Variants in NIPSNAP1 observed in about 807,000 individuals in gnomAD.
NIPSNAP1 encodes the protein nipsnap homolog 1.
NIPSNAP1 carries 25 observed loss-of-function variants against 49.2 expected under a neutral mutation model. The ratio of observed to expected loss-of-function variants is 0.51; its 90% CI spans 0.37 to 0.71. The LOEUF (loss-of-function observed/expected upper bound fraction) is 0.71. Ranked by LOEUF, NIPSNAP1 falls within the 30% of genes least tolerant of loss-of-function variation. The probability of loss-of-function intolerance (pLI) is 0.00; values close to 1 mark genes in which losing one functional copy is unlikely to be tolerated. For missense variants in NIPSNAP1, 294 were observed against 361.0 expected (o/e 0.81, Z 1.50); for synonymous variants, 143 against 140.7 (o/e 1.02, Z -0.12).
At position 29,554,985 on chromosome 22, in the gene NIPSNAP1, G is replaced by C. The variant is rs934938169; in HGVS notation, c.*950C>G. ...CACCAGGTGGCCCTGCAGAATGAGG[G>C]TTGGGCTGATAGAATGTCAATTAGG... On this transcript the variant is annotated 3_prime_UTR_variant, in exon 10 of 10. Coordinates refer to ENST00000216121, the MANE Select transcript of NIPSNAP1 (RefSeq NM_003634.4). 3.9e-5 allele frequency: 6 copies of C among 152,742 alleles called. No homozygotes were observed. Among genetic ancestry groups the C allele is most frequent in the Middle Eastern group, 3.4e-3 (1 of 296 alleles). The allele number at this position is 152,742 out of a possible 1,614,324, so 9.5% of individuals were successfully genotyped here.
chr22:29,575,314 G>A (rs1326703367), intron 1 of NIPSNAP1, among the ~76,000 whole-genome samples: 2 of 152,176 alleles, frequency 1.3e-5, no homozygotes, highest in Non-Finnish European at 2.9e-5. Context: ...CAGGAGCTCT[G>A]ATGGGCTCCC....
At chr22:29,572,927 C>CTA (rs1488158195) in intron 1 of NIPSNAP1, among the ~76,000 whole-genome samples, 1 of 151,770 alleles carries the variant, frequency 6.6e-6, no homozygotes, top group Non-Finnish European at 1.5e-5. Flanking sequence ...CTACAATGAA[C>CTA]TATGATCAGG....
Position 29,555,576 on chromosome 22 carries a change from C to G in NIPSNAP1, c.*359G>C, listed in dbSNP as rs547357686. 1.1e-4 allele frequency: 34 copies of G among 309,716 alleles called. 1 individual carries two copies. In the East Asian group the frequency reaches 2.4e-3, roughly 22 times the overall value. 19.2% of individuals were successfully genotyped at this position (309,716 alleles called of 1,614,324 possible). A position where few individuals can be genotyped will look rare whatever the true frequency, so the allele number is the denominator to read the frequency against. On this transcript the variant is annotated 3_prime_UTR_variant, in exon 10 of 10. Transcript: ENST00000216121. ...CACCTCTAGCCACTGGACATACTAC[C>G]TTTTGTGCAACTAAGCTAAACAGAG... is the stretch of plus-strand genomic sequence containing the variant.
intron 1 of NIPSNAP1, among the ~76,000 whole-genome samples, chr22:29,579,116 G>A (rs433194): frequency 0.79 from 117,965 of 149,986 alleles, 47,199 homozygotes; most frequent in African/African-American, 0.87. Context: ...TCTGTCACCC[G>A]GGTTGGAGTG....
intron 4 of NIPSNAP1, among the ~76,000 whole-genome samples, chr22:29,567,100 T>C (rs908724231): frequency 1.1e-4 from 16 of 152,112 alleles, no homozygotes; most frequent in African/African-American, 3.9e-4. Context: ...CCAGCCTGGG[T>C]GACAGTACAG....
At chr22:29,560,061 C>G (rs934241944) in intron 8 of NIPSNAP1, among the ~76,000 whole-genome samples, 3 of 152,184 alleles carry the variant, frequency 2.0e-5, no homozygotes, top group African/African-American at 7.2e-5. Context: ...GGCCTTTCCC[C>G]ACCACAGGGC....
At chr22:29,565,551 C>CA (rs748061994) in intron 4 of NIPSNAP1, among the ~76,000 whole-genome samples, 2 of 152,040 alleles carry the variant, frequency 1.3e-5, no homozygotes, top group East Asian at 1.9e-4. Context: ...TCCCATCCCT[C>CA]AGAGTTCATT....
intron 4 of NIPSNAP1, among the ~76,000 whole-genome samples, chr22:29,562,240 G>A (rs1164415524): frequency 6.6e-6 from 1 of 152,162 alleles, no homozygotes; most frequent in Non-Finnish European, 1.5e-5. Context: ...GCCTTAGAGG[G>A]GCAGCTGAAC....
At chr22:29,558,824 C>G in intron 9 of NIPSNAP1, 46 bp downstream of exon 9, 3 of 1,391,422 alleles carry the variant, frequency 2.2e-6, no homozygotes, top group Non-Finnish European at 3.1e-6. Context: ...AGGATTCCAT[C>G]CTCAGACAGG....
chr22:29,580,348 G>T, intron 1 of NIPSNAP1: 1 of 879,496 alleles, frequency 1.1e-6, no homozygotes, highest in Non-Finnish European at 1.4e-6. Flanking sequence ...CCAAACAAAA[G>T]CCCAGGCTGA....
chr22:29,579,457 C>A (rs917407678), intron 1 of NIPSNAP1, among the ~76,000 whole-genome samples: 2 of 151,806 alleles, frequency 1.3e-5, no homozygotes, highest in Non-Finnish European at 2.9e-5. Context: ...CCACCGCGCC[C>A]AGCTAATTTT....
Position 29,555,714 on chromosome 22 carries a change from C to T in NIPSNAP1, c.*221G>A. On this transcript the variant is annotated 3_prime_UTR_variant, in exon 10 of 10. Transcript: ENST00000216121. Reference sequence around the variant, plus strand: ...CATTCAGGGAAATCAGAAACTACTTCTAGCAGGGGGAGGGAGGCAGGCAGG... The same window carrying T: ...CATTCAGGGAAATCAGAAACTACTTTTAGCAGGGGGAGGGAGGCAGGCAGG... The T allele has an allele frequency of 1.7e-6, 1 of 577,594 alleles. No individual in the cohort carries two copies. The highest frequency in any genetic ancestry group is 2.0e-5 in the South Asian group (1 of 49,496). 35.8% of individuals were successfully genotyped at this position (577,594 alleles called of 1,614,324 possible).
intron 1 of NIPSNAP1, among the ~76,000 whole-genome samples, chr22:29,571,822 C>A (rs2064410235): frequency 6.6e-6 from 1 of 151,852 alleles, no homozygotes; most frequent in African/African-American, 2.4e-5. Flanking sequence ...GTTGCTCAGG[C>A]TGGAGTGCAG....
rs907599609 is a variant in NIPSNAP1 at position 29,556,003 on chromosome 22, C to T, written c.791-4G>A. The T allele has an allele frequency of 1.8e-5, 28 of 1,546,936 alleles. No homozygotes were observed. The highest frequency in any genetic ancestry group is 6.0e-5 in the South Asian group (5 of 83,994). ...TCCATGTGTCGCACCAGGGGGACTG[C>T]GGAGAGAGAAGGCAGAGGTCACACA... is the stretch of plus-strand genomic sequence containing the variant. On this transcript the variant is annotated splice_region_variant and splice_polypyrimidine_tract_variant and intron_variant, in intron 9 of 9. Transcript: ENST00000216121.
chr22:29,575,421 T>C (rs1190228508), intron 1 of NIPSNAP1, among the ~76,000 whole-genome samples: 1 of 152,136 alleles, frequency 6.6e-6, no homozygotes. Flanking sequence ...AAAGCTGTTT[T>C]CTACAGGTAA....
chr22:29,572,301 T>TC (rs1177957925), intron 1 of NIPSNAP1, among the ~76,000 whole-genome samples: 3 of 69,108 alleles, frequency 4.3e-5, no homozygotes, highest in African/African-American at 2.2e-4. Context: ...AGAATCCATC[T>TC]CAAAAAAAAA....
chr22:29,557,954 A>T (rs938292877), intron 9 of NIPSNAP1, among the ~76,000 whole-genome samples: 9 of 152,204 alleles, frequency 5.9e-5, no homozygotes, highest in African/African-American at 1.9e-4. Context: ...CAAAGTGGCA[A>T]ACACCTTGAG....
intron 9 of NIPSNAP1, among the ~76,000 whole-genome samples, chr22:29,558,185 G>C (rs1408281562): frequency 6.6e-6 from 1 of 152,066 alleles, no homozygotes; most frequent in East Asian, 1.9e-4. Flanking sequence ...AAATGAGTTT[G>C]TGGGCCAGAT....
chr22:29,576,924 C>CA lies in NIPSNAP1; in HGVS notation c.98+4060dup, dbSNP rs752686776. On this transcript the variant is annotated intron_variant, in intron 1 of 9. Coordinates refer to ENST00000216121, the MANE Select transcript of NIPSNAP1 (RefSeq NM_003634.4). ...TGGCTGACAGAATGAGACTCCGTCT[C>CA]AAAAAAAAAAAAAAAGGTAGACCTT... Among the ~76,000 whole-genome samples, 233 of 103,282 alleles carry CA rather than the reference C, an allele frequency of 2.3e-3. 3 individuals are homozygous for CA. The highest frequency in any genetic ancestry group is 2.5e-3 in the East Asian group (9 of 3,596). The allele number at this position is 103,282 out of a possible 152,430, so 67.8% of individuals were successfully genotyped here.
Sources: gnomAD v4.1 joint callset for allele counts (sites outside exome capture counted in the v4.1 genomes callset) on GRCh38, gnomAD v4.1.1 for gene constraint, MANE v1.5 for transcripts, NCBI Gene and HGNC (gene_info 2026-07-23, HGNC 2026-07-21) for gene names.